The following CADM1 variants were observed in gnomAD, a reference collection of about 807,000 sequenced individuals.
CADM1 encodes cell adhesion molecule 1.
CADM1 carries 15 observed loss-of-function variants against 53.1 expected under a neutral mutation model. The observed-to-expected ratio is 0.28, with a 90% CI of 0.19 to 0.44. The LOEUF is 0.44. Ranked by LOEUF, CADM1 falls within the 20% of genes least tolerant of loss-of-function variation. The pLI is 1.00. For missense variants in CADM1, 434 were observed against 611.3 expected (o/e 0.71, Z 3.06); for synonymous variants, 281 against 243.0 (o/e 1.16, Z -1.45).
At chr11:115,465,449 A>G (rs1298565131) in intron 1 of CADM1, among the ~76,000 whole-genome samples, 2 of 152,178 alleles carry the variant, frequency 1.3e-5, no homozygotes, top group Admixed American at 1.3e-4. Flanking sequence ...GTCTTGGCAT[A>G]TGACACCCAC....
chr11:115,421,912 T>C (rs751819306), intron 1 of CADM1, among the ~76,000 whole-genome samples: 2 of 152,198 alleles, frequency 1.3e-5, no homozygotes, highest in Admixed American at 1.3e-4. Context: ...GTACGATGAT[T>C]ACATAAACTC....
chr11:115,278,478 G>A (rs180745843), intron 1 of CADM1, among the ~76,000 whole-genome samples: 1 of 152,256 alleles, frequency 6.6e-6, no homozygotes, highest in East Asian at 1.9e-4. Flanking sequence ...TTAAGAGAGA[G>A]GAAGAAGGGC....
chr11:115,433,380 C>G (rs1166108056), intron 1 of CADM1, among the ~76,000 whole-genome samples: 1 of 152,140 alleles, frequency 6.6e-6, no homozygotes, highest in Non-Finnish European at 1.5e-5. Flanking sequence ...GAATTTGGTT[C>G]CAAAGGGAGC....
chr11:115,441,882 A>T (rs1948321166), intron 1 of CADM1, among the ~76,000 whole-genome samples: 1 of 152,096 alleles, frequency 6.6e-6, no homozygotes, highest in Admixed American at 6.6e-5. Context: ...AACAAACAAA[A>T]AAAACCCATG....
At position 115,175,223 on chromosome 11, in the gene CADM1, G is replaced by A; in HGVS notation, c.*1251C>T. The A allele has an allele frequency of 1.0e-6, 1 of 985,780 alleles. No individual in the cohort carries two copies. Among genetic ancestry groups the A allele is most frequent in the Non-Finnish European group, 1.2e-6 (1 of 829,924 alleles). The allele number at this position is 985,780 out of a possible 1,614,324, so 61.1% of individuals were successfully genotyped here. A position where few individuals can be genotyped will look rare whatever the true frequency, so the allele number is the denominator to read the frequency against. The stretch of plus-strand genomic sequence containing the variant: ...GCAGACCAGTGTGAGAACAATACCA[G>A]CCCTTCTTTTGTACCTCCTGCCTTT... On this transcript the variant is annotated 3_prime_UTR_variant, in exon 12 of 12. Transcript: ENST00000331581.
At chr11:115,210,089 G>A (rs1297385327) in intron 7 of CADM1, among the ~76,000 whole-genome samples, 1 of 152,192 alleles carries the variant, frequency 6.6e-6, no homozygotes, top group African/African-American at 2.4e-5. Context: ...AGCCAAGGAT[G>A]AGCGTGCCCC....
chr11:115,342,967 T>A (rs1945486844), intron 1 of CADM1, among the ~76,000 whole-genome samples: 1 of 152,162 alleles, frequency 6.6e-6, no homozygotes, highest in Admixed American at 6.6e-5. Flanking sequence ...TCTAAGAACT[T>A]ACCCTAAGGA....
intron 1 of CADM1, among the ~76,000 whole-genome samples, chr11:115,430,570 A>C (rs1297980648): frequency 6.6e-6 from 1 of 152,236 alleles, no homozygotes; most frequent in Non-Finnish European, 1.5e-5. Flanking sequence ...TAAGTAAAAA[A>C]CAAAGGGGTT....
intron 1 of CADM1, among the ~76,000 whole-genome samples, chr11:115,252,432 G>C (rs987863276): frequency 6.6e-6 from 1 of 152,080 alleles, no homozygotes; most frequent in Non-Finnish European, 1.5e-5. Flanking sequence ...CAGAGGTTTA[G>C]CTATAATTGT....
chr11:115,278,587 C>T (rs1943505822), intron 1 of CADM1, among the ~76,000 whole-genome samples: 1 of 152,036 alleles, frequency 6.6e-6, no homozygotes, highest in Non-Finnish European at 1.5e-5. Context: ...AGTTAGAAGT[C>T]GATGAGTATA....
chr11:115,174,470 T>A lies in CADM1; in HGVS notation c.*2004A>T. 1.0e-6 allele frequency: 1 copy of A among 985,776 alleles called. No homozygotes were observed. Among genetic ancestry groups the A allele is most frequent in the Non-Finnish European group, 1.2e-6 (1 of 829,898 alleles). The allele number at this position is 985,776 out of a possible 1,614,324, so 61.1% of individuals were successfully genotyped here. Reference sequence around the variant, plus strand: ...GTTCATTGTGGCTTTTTGTCTTGGTTAAGTGCCTAGGGATAGGGGAGGGGT... The same window carrying A: ...GTTCATTGTGGCTTTTTGTCTTGGTAAAGTGCCTAGGGATAGGGGAGGGGT... On this transcript the variant is annotated 3_prime_UTR_variant, in exon 12 of 12. Transcript: ENST00000331581.
intron 9 of CADM1, among the ~76,000 whole-genome samples, chr11:115,195,941 G>C (rs1020759588): frequency 4.6e-5 from 7 of 152,162 alleles, no homozygotes; most frequent in Non-Finnish European, 1.0e-4. Flanking sequence ...ACAGGGATCA[G>C]CCTAGATTAT....
chr11:115,473,767 A>G (rs1480270100), intron 1 of CADM1, among the ~76,000 whole-genome samples: 2 of 152,180 alleles, frequency 1.3e-5, no homozygotes, highest in African/African-American at 4.8e-5. Context: ...AATCTTCATG[A>G]CTTTGGGTTA....
At chr11:115,372,385 G>A (rs1946330238) in intron 1 of CADM1, among the ~76,000 whole-genome samples, 1 of 152,014 alleles carries the variant, frequency 6.6e-6, no homozygotes. Context: ...TTTTAAGAGT[G>A]TGCTTTATAA....
At chr11:115,240,707 G>A (rs530273839) in intron 1 of CADM1, 27 of 416,196 alleles carry the variant, frequency 6.5e-5, no homozygotes, top group African/African-American at 4.8e-4. Flanking sequence ...TATTGAGGAG[G>A]TATTGGAAAG....
At chr11:115,353,045 T>C (rs1012809713) in intron 1 of CADM1, among the ~76,000 whole-genome samples, 3 of 152,256 alleles carry the variant, frequency 2.0e-5, no homozygotes, top group African/African-American at 7.2e-5. Flanking sequence ...TCCTTATCTT[T>C]GTGTTCTGGA....
intron 1 of CADM1, chr11:115,377,202 C>T (rs992866547): frequency 6.6e-6 from 1 of 151,956 alleles, no homozygotes; most frequent in African/African-American, 2.4e-5. Flanking sequence ...TCAAGCTGAC[C>T]TACAGAACTT....
chr11:115,341,720 C>T (rs1222185748), intron 1 of CADM1, among the ~76,000 whole-genome samples: 1 of 152,132 alleles, frequency 6.6e-6, no homozygotes, highest in Non-Finnish European at 1.5e-5. Context: ...TTTGGGAAGA[C>T]CATGTATTTA....
intron 1 of CADM1, among the ~76,000 whole-genome samples, chr11:115,347,692 A>G (rs568200006): frequency 2.1e-4 from 32 of 152,316 alleles, no homozygotes; most frequent in African/African-American, 7.5e-4. Context: ...ATATTTTTTC[A>G]ACTATATAAA....
Sources: allele counts gnomAD v4.1 joint callset (sites outside exome capture counted in the v4.1 genomes callset), GRCh38; gene constraint gnomAD v4.1.1; transcripts MANE v1.5; gene names NCBI Gene and HGNC (gene_info 2026-07-23, HGNC 2026-07-21).